ATP2C1: variants seen among roughly 807,000 people sequenced by gnomAD.
ATP2C1 encodes the protein ATPase secretory pathway Ca2+ transporting 1.
ATP2C1 carries 31 observed loss-of-function variants against 120.5 expected under a neutral mutation model. The ratio of observed to expected loss-of-function variants is 0.26; its 90% CI spans 0.19 to 0.35. ATP2C1 has a LOEUF of 0.35. ATP2C1 is among the 10% of genes least tolerant of loss of function. The pLI, the probability that ATP2C1 is intolerant of heterozygous loss-of-function variation, is 1.00. For missense variants in ATP2C1, 731 were observed against 1,107.5 expected (o/e 0.66, Z 4.83); for synonymous variants, 351 against 358.7 (o/e 0.98, Z 0.24).
intron 1 of ATP2C1, among the ~76,000 whole-genome samples, chr3:130,872,463 T>C (rs1339360778): frequency 6.6e-6 from 1 of 152,210 alleles, no homozygotes; most frequent in African/African-American, 2.4e-5. Context: ...TATTGAATAA[T>C]GTCTCTAAAA....
intron 20 of ATP2C1, among the ~76,000 whole-genome samples, chr3:130,987,914 G>A (rs903339919): frequency 2.0e-5 from 3 of 152,144 alleles, no homozygotes; most frequent in African/African-American, 7.2e-5. Flanking sequence ...TAAGTCATCT[G>A]GGAATTCTCA....
chr3:130,894,069 G>A, upstream of ATP2C1: 1 of 984,412 alleles, frequency 1.0e-6, no homozygotes, highest in Non-Finnish European at 1.2e-6. The surrounding 1 kb of genome is among the most constrained non-coding windows in gnomAD (Gnocchi z 4.5). Context: ...GAGCGCAGGA[G>A]TCGGAGGCGG....
intron 12 of ATP2C1, 41 bp from the exon 13 acceptor site, chr3:130,963,930 G>T: frequency 6.2e-7 from 1 of 1,610,990 alleles, no homozygotes; most frequent in South Asian, 1.1e-5. Flanking sequence ...TGTGAGTGCT[G>T]TTTAACCTAC....
At chr3:131,016,636 A>G in exon 27 of ATP2C1, 1 of 410,296 alleles carries the variant, frequency 2.4e-6, no homozygotes, top group East Asian at 5.2e-5. Flanking sequence ...TGAATTCTCT[A>G]AACCCTAAAT....
In ATP2C1 at chr3:130,976,418, C is replaced by T. The variant is rs115142871; in HGVS notation, c.1570+930C>T. On this transcript the variant is annotated intron_variant, in intron 18 of 27. Transcript: ENST00000510168. ...GTGCTGCTGAACCAAGATCACTCCT[C>T]ATACCCCTGCCCCCAGAGCCTGGTG... Among the ~76,000 whole-genome samples, 747 of 152,260 alleles carry T rather than the reference C, an allele frequency of 4.9e-3. 11 individuals are homozygous for T. Among genetic ancestry groups the T allele is most frequent in the African/African-American group, 0.017 (711 of 41,536 alleles).
chr3:131,007,826 C>T (rs577130282), downstream of ATP2C1, among the ~76,000 whole-genome samples: 13 of 152,252 alleles, frequency 8.5e-5, no homozygotes, highest in East Asian at 1.9e-4. Flanking sequence ...CTGTGAAACA[C>T]GTGATATGTG....
intron 26 of ATP2C1, among the ~76,000 whole-genome samples, chr3:131,011,029 T>C (rs1485927440): frequency 6.6e-6 from 1 of 152,242 alleles, no homozygotes; most frequent in Non-Finnish European, 1.5e-5. Context: ...ATAATCCTTA[T>C]TTTGCAAGTA....
At chr3:130,929,077 A>G (rs1203774614) in intron 2 of ATP2C1, among the ~76,000 whole-genome samples, 1 of 152,142 alleles carries the variant, frequency 6.6e-6, no homozygotes, top group Non-Finnish European at 1.5e-5. Flanking sequence ...ACATTTCTTA[A>G]TTATGTAAAA....
chr3:130,945,208 G>A (rs887003192), intron 8 of ATP2C1, among the ~76,000 whole-genome samples: 4 of 151,770 alleles, frequency 2.6e-5, no homozygotes, highest in Non-Finnish European at 5.9e-5. Context: ...TTCCCCCGAG[G>A]GTTTTTATTT....
chr3:130,905,051 G>A (rs182872340), intron 2 of ATP2C1, among the ~76,000 whole-genome samples: 32 of 151,934 alleles, frequency 2.1e-4, no homozygotes, highest in African/African-American at 7.5e-4. Context: ...ATGATGTTCT[G>A]GGTGTATCTT....
intron 20 of ATP2C1, 25 bp downstream of exon 20, chr3:130,980,704 G>T: frequency 6.6e-7 from 1 of 1,522,674 alleles, no homozygotes; most frequent in South Asian, 1.1e-5. Flanking sequence ...AAGCCTTTTG[G>T]ACTGAAAGGC....
chr3:130,918,683 A>C, intron 2 of ATP2C1: 1 of 499,594 alleles, frequency 2.0e-6, no homozygotes, highest in Non-Finnish European at 3.8e-6. Flanking sequence ...TATTCCTGCA[A>C]ATCATGCATA....
intron 26 of ATP2C1, among the ~76,000 whole-genome samples, chr3:131,009,630 TTC>T (rs1207621476): frequency 1.3e-5 from 2 of 152,164 alleles, no homozygotes; most frequent in Admixed American, 6.5e-5. Context: ...TAACATGAAG[TTC>T]TCGTCTTAGA....
chr3:130,865,046 C>T (rs752927124), intron 1 of ATP2C1, among the ~76,000 whole-genome samples: 34 of 152,230 alleles, frequency 2.2e-4, no homozygotes, highest in Non-Finnish European at 3.1e-4. Flanking sequence ...AGACACTCAA[C>T]GTCAGCCCAT....
chr3:130,941,688 C>T lies in ATP2C1; in HGVS notation c.520C>T (p.Arg174Cys), dbSNP rs1239353453. ...SVGDRVPADL[R>C]LFEAVDLSID... Reference sequence around the variant, plus strand: ...TGGGGATAGAGTTCCTGCTGACTTACGCTTGTTTGAGGTAAATTTGGGATC... The same window carrying T: ...TGGGGATAGAGTTCCTGCTGACTTATGCTTGTTTGAGGTAAATTTGGGATC... The change falls in exon 8 of 28, where the codon CGC becomes TGC. Residue 174 changes from arginine (R) to cysteine (C), a missense_variant. Coordinates refer to ENST00000510168, the MANE Select transcript of ATP2C1 (RefSeq NM_001378687.1). 7 of 1,613,390 alleles carry T rather than the reference C, an allele frequency of 4.3e-6. No individual in the cohort carries two copies. Among genetic ancestry groups the T allele is most frequent in the Middle Eastern group, 1.6e-4 (1 of 6,078 alleles).
intron 26 of ATP2C1, among the ~76,000 whole-genome samples, chr3:130,998,778 A>G (rs533028687): frequency 1.3e-5 from 2 of 151,974 alleles, no homozygotes; most frequent in South Asian, 4.2e-4. Flanking sequence ...TTATGTGCCT[A>G]TTTTTTTTCC....
intron 1 of ATP2C1, among the ~76,000 whole-genome samples, chr3:130,873,647 A>G (rs1269203533): frequency 9.2e-5 from 14 of 152,216 alleles, no homozygotes; most frequent in Admixed American, 9.2e-4. Context: ...TAACTGTTCT[A>G]ATTGTGTCTG....
At chr3:130,940,447 AATTG>A (rs1323690223) in intron 6 of ATP2C1, among the ~76,000 whole-genome samples, 179 bp from the exon 7 acceptor site, 1 of 152,190 alleles carries the variant, frequency 6.6e-6, no homozygotes, top group African/African-American at 2.4e-5. Flanking sequence ...TAATTATCAA[AATTG>A]ATCTCTACAT....
At chr3:130,967,496 A>G (rs1207303444) in intron 16 of ATP2C1, 77 bp downstream of exon 16, 9 of 1,241,042 alleles carry the variant, frequency 7.3e-6, no homozygotes, top group Middle Eastern at 3.7e-4. Flanking sequence ...CAATTTCAGT[A>G]TTACTGGTTT....
Sources: gnomAD v4.1 joint callset for allele counts (sites outside exome capture counted in the v4.1 genomes callset) on GRCh38, gnomAD v4.1.1 for gene constraint, Gnocchi (gnomAD v3.1) non-coding constraint, MANE v1.5 for transcripts, NCBI Gene and HGNC (gene_info 2026-07-23, HGNC 2026-07-21) for gene names.